UBE2D1: variants seen among roughly 807,000 people sequenced by gnomAD.
The protein encoded by UBE2D1 is ubiquitin conjugating enzyme E2 D1, also known as ubiquitin-conjugating enzyme E2 D1.
Under a neutral mutation model 24.6 loss-of-function variants are expected in UBE2D1, and 9 were observed. That is an observed-to-expected ratio of 0.37 (90% CI 0.22 to 0.64). UBE2D1 has a LOEUF of 0.64. Ranked by LOEUF, UBE2D1 falls within the 30% of genes least tolerant of loss-of-function variation. The pLI is 0.64. For synonymous variants in UBE2D1, 57 were observed against 57.6 expected (o/e 0.99, Z 0.04); for missense variants, 87 against 177.1 (o/e 0.49, Z 2.89).
chr10:58,357,423 C>A (rs1840143615), intron 1 of UBE2D1, among the ~76,000 whole-genome samples: 3 of 152,032 alleles, frequency 2.0e-5, no homozygotes, highest in African/African-American at 7.2e-5. Context: ...TAAAAGTGAT[C>A]CTTGATTTTG....
At chr10:58,368,103 A>T (rs1840276606) in intron 6 of UBE2D1, 87 bp downstream of exon 6, 2 of 949,104 alleles carry the variant, frequency 2.1e-6, no homozygotes, top group African/African-American at 3.3e-5. Context: ...GTTTTAAGTC[A>T]ATTTGATTAT....
At chr10:58,367,424 G>A (rs569070038) in intron 5 of UBE2D1, among the ~76,000 whole-genome samples, 70 of 152,048 alleles carry the variant, frequency 4.6e-4, no homozygotes, top group African/African-American at 1.3e-3. Context: ...AAAGATAGCT[G>A]TTCACATTAT....
At position 58,364,920 on chromosome 10, in the gene UBE2D1, CA is replaced by C. The variant is rs778893424; in HGVS notation, c.304+45del. On this transcript the variant is annotated intron_variant, in intron 5 of 6. Transcript: ENST00000373910. ...TTTGAAACAGTTGATAACAGTGAGA[CA>C]GGAAAAATACAGCAGAATTACCTAT... 3.4e-6 allele frequency: 5 copies of C among 1,473,498 alleles called. No individual in the cohort carries two copies. In the East Asian group the frequency reaches 6.8e-5, roughly 20 times the overall value. The allele number at this position is 1,473,498 out of a possible 1,614,324, so 91.3% of individuals were successfully genotyped here.
chr10:58,339,514 C>T (rs1021688383), intron 1 of UBE2D1, among the ~76,000 whole-genome samples: 1 of 152,178 alleles, frequency 6.6e-6, no homozygotes, highest in African/African-American at 2.4e-5. Context: ...GATATCCATA[C>T]ATATGAGGCT....
At chr10:58,350,518 T>C (rs528362249) in intron 1 of UBE2D1, among the ~76,000 whole-genome samples, 1 of 152,356 alleles carries the variant, frequency 6.6e-6, no homozygotes, top group African/African-American at 2.4e-5. Flanking sequence ...GTCAGATACA[T>C]GTAATATTGC....
Position 58,361,388 on chromosome 10 carries a change from T to C in UBE2D1, c.75T>C (p.Pro25=). Reference sequence around the variant, plus strand: ...CACCTGCTCACTGTTCAGCTGGACCTGTGGGAGATGACTGTAAGCCTTGCT... The same window carrying C: ...CACCTGCTCACTGTTCAGCTGGACCCGTGGGAGATGACTGTAAGCCTTGCT... ...RDPPAHCSAG[P]VGDDLFHWQA... is the part of the protein sequence containing the mutation. Residue 25 remains proline, a synonymous_variant, in exon 2 of 7, where the codon CCT becomes CCC. Coordinates refer to ENST00000373910, the MANE Select transcript of UBE2D1 (RefSeq NM_003338.5). 6.2e-7 allele frequency: 1 copy of C among 1,614,224 alleles called. No individual in the cohort carries two copies. The highest frequency in any genetic ancestry group is 8.5e-7 in the Non-Finnish European group (1 of 1,180,036).
At chr10:58,336,910 C>A (rs545304297) in intron 1 of UBE2D1, among the ~76,000 whole-genome samples, 91 of 152,268 alleles carry the variant, frequency 6.0e-4, no homozygotes, top group African/African-American at 2.0e-3. Context: ...TCCAGAAAGT[C>A]TGGGATTACA....
intron 5 of UBE2D1, among the ~76,000 whole-genome samples, chr10:58,366,555 A>G (rs929965152): frequency 2.6e-5 from 4 of 151,998 alleles, no homozygotes; most frequent in African/African-American, 4.8e-5. Flanking sequence ...ATTTGTTTGT[A>G]TATTTTTTAC....
At chr10:58,363,747 G>A in intron 4 of UBE2D1, 61 bp downstream of exon 4, 1 of 1,269,246 alleles carries the variant, frequency 7.9e-7, no homozygotes, top group South Asian at 1.3e-5. Flanking sequence ...TTTATCTAGA[G>A]CTCATTTGAT....
chr10:58,351,320 A>G (rs1369552313), intron 1 of UBE2D1, among the ~76,000 whole-genome samples: 1 of 152,330 alleles, frequency 6.6e-6, no homozygotes, highest in East Asian at 1.9e-4. Context: ...ACTTTGCTTA[A>G]AACACAAAAC....
rs775049500 is a variant in UBE2D1, at chr10:58,369,514, T to A, written c.*749T>A. ...TGTTGCTATTCACATTTGAATTTTT[T>A]CCTGTATAGGCAATATTATATTGAC... On this transcript the variant is annotated 3_prime_UTR_variant, in exon 7 of 7. Transcript: ENST00000373910. 5 of 152,678 alleles carry A rather than the reference T, an allele frequency of 3.3e-5. No individual in the cohort carries two copies. The highest frequency in any genetic ancestry group is 5.9e-5 in the Non-Finnish European group (4 of 67,844). 9.5% of individuals were successfully genotyped at this position (152,678 alleles called of 1,614,324 possible). A position where few individuals can be genotyped will look rare whatever the true frequency, so the allele number is the denominator to read the frequency against.
chr10:58,360,218 TC>T (rs1287668850), intron 1 of UBE2D1, among the ~76,000 whole-genome samples: 5 of 152,194 alleles, frequency 3.3e-5, no homozygotes, highest in Admixed American at 3.3e-4. Context: ...CTCCTACTCA[TC>T]CTTTAGATTT....
At chr10:58,351,651 A>G (rs901479380) in intron 1 of UBE2D1, among the ~76,000 whole-genome samples, 4 of 152,164 alleles carry the variant, frequency 2.6e-5, no homozygotes, top group African/African-American at 9.7e-5. Flanking sequence ...TTTTTATTTT[A>G]TAAGTAGAAA....
intron 1 of UBE2D1, among the ~76,000 whole-genome samples, chr10:58,352,178 C>A (rs929028701): frequency 5.9e-5 from 9 of 152,034 alleles, no homozygotes; most frequent in African/African-American, 2.2e-4. Flanking sequence ...AATAAGTACT[C>A]TTGGTCCCAT....
chr10:58,336,547 T>G (rs1290744722), intron 1 of UBE2D1, among the ~76,000 whole-genome samples: 1 of 152,220 alleles, frequency 6.6e-6, no homozygotes. Flanking sequence ...TTAAAGGTCA[T>G]CTCATTGTAA....
intron 1 of UBE2D1, among the ~76,000 whole-genome samples, chr10:58,339,259 C>A (rs1401012614): frequency 6.6e-6 from 1 of 152,170 alleles, no homozygotes; most frequent in Non-Finnish European, 1.5e-5. Context: ...GCCTGCATCA[C>A]CACACCTGGC....
At chr10:58,361,198 A>C in intron 1 of UBE2D1, 140 bp from the exon 2 acceptor site, 1 of 797,000 alleles carries the variant, frequency 1.3e-6, no homozygotes, top group Non-Finnish European at 2.0e-6. Flanking sequence ...TCAATGACAG[A>C]GTACAATTTA....
intron 1 of UBE2D1, among the ~76,000 whole-genome samples, chr10:58,357,956 T>G (rs1840150634): frequency 6.6e-6 from 1 of 152,098 alleles, no homozygotes; most frequent in Non-Finnish European, 1.5e-5. Flanking sequence ...ATTTTCTCTC[T>G]CTTCCTTAGC....
chr10:58,359,651 C>T (rs1226800020), intron 1 of UBE2D1, among the ~76,000 whole-genome samples: 2 of 152,200 alleles, frequency 1.3e-5, no homozygotes, highest in East Asian at 3.9e-4. Flanking sequence ...GATGATCGCC[C>T]ACCTGGGTTT....
Sources: allele counts gnomAD v4.1 joint callset (sites outside exome capture counted in the v4.1 genomes callset), GRCh38; gene constraint gnomAD v4.1.1; transcripts MANE v1.5; gene names NCBI Gene and HGNC (gene_info 2026-07-23, HGNC 2026-07-21).